KMT2C: variants seen among roughly 807,000 people sequenced by gnomAD.
KMT2C encodes the protein histone-lysine N-methyltransferase 2C.
KMT2C carries 88 observed loss-of-function variants against 507.9 expected under a neutral mutation model. The ratio of observed to expected loss-of-function variants is 0.17; its 90% CI spans 0.15 to 0.21. KMT2C has a LOEUF of 0.21. KMT2C is among the 10% of genes least tolerant of loss of function. The pLI is 1.00. For synonymous variants in KMT2C, 2,049 were observed against 2,080.8 expected (o/e 0.98, Z 0.42); for missense variants, 4,954 against 5,957.8 (o/e 0.83, Z 5.55).
In KMT2C at chr7:152,172,640, G is replaced by A. The variant is rs1458990054; in HGVS notation, c.9375-1298C>T. ...GAACCTTGGAGGTGAAGGCTGCAGT[G>A]AGCCATTGCACTCTATCCTGGGCAA... On this transcript the variant is annotated intron_variant, in intron 39 of 58. Transcript: ENST00000262189. 5.9e-5 allele frequency among the ~76,000 whole-genome samples: 9 copies of A among 152,170 alleles called. No individual in the cohort carries two copies. In the East Asian group the frequency reaches 9.6e-4, roughly 16 times the overall value.
In KMT2C at chr7:152,252,592, G is replaced by GATA. The variant is rs758128657; in HGVS notation, c.1420_1422dup (p.Tyr474dup). On this transcript the variant is annotated inframe_insertion, in exon 10 of 59. Transcript: ENST00000262189. ...AGCATGTCTTTCTGCAATTCTGGAT[G>GATA]ATAACACTTCCCACAGAAGGGACAT... The GATA allele has an allele frequency of 6.2e-7, 1 of 1,613,202 alleles. No homozygotes were observed. The highest frequency in any genetic ancestry group is 2.2e-5 in the East Asian group (1 of 44,848).
intron 6 of KMT2C, among the ~76,000 whole-genome samples, chr7:152,298,439 GAAC>G (rs1216492214): frequency 2.6e-5 from 4 of 152,060 alleles, no homozygotes; most frequent in African/African-American, 7.2e-5. Flanking sequence ...ACAAAGATAA[GAAC>G]AACATCAGAT....
intron 1 of KMT2C, among the ~76,000 whole-genome samples, chr7:152,395,938 C>T (rs1027878346): frequency 2.0e-5 from 3 of 152,326 alleles, no homozygotes; most frequent in African/African-American, 7.2e-5. Context: ...AAAGTGCTTC[C>T]TCTTGTGCTG....
In KMT2C at chr7:152,149,244, G is replaced by A. The variant is rs1362136584; in HGVS notation, c.12775-92C>T. The stretch of plus-strand genomic sequence containing the variant: ...AGACAAGAAGCTGAGCAGTATGACT[G>A]AAGAGGATGGGTGACCTGAGGGGCA... On this transcript the variant is annotated intron_variant, in intron 51 of 58. Transcript: ENST00000262189. 2.4e-6 allele frequency: 3 copies of A among 1,246,156 alleles called. No homozygotes were observed. In the East Asian group the frequency reaches 7.9e-5, roughly 33 times the overall value. The allele number at this position is 1,246,156 out of a possible 1,614,324, so 77.2% of individuals were successfully genotyped here. A position where few individuals can be genotyped will look rare whatever the true frequency, so the allele number is the denominator to read the frequency against.
chr7:152,146,677 G>A lies in KMT2C; in HGVS notation c.13953C>T (p.Leu4651=), dbSNP rs1186901207. The A allele has an allele frequency of 1.2e-6, 2 of 1,613,916 alleles. No homozygotes were observed. Among genetic ancestry groups the A allele is most frequent in the Non-Finnish European group, 1.7e-6 (2 of 1,179,842 alleles). Reference sequence around the variant, plus strand: ...CTTTTAAATACGCTGGGAAAAGCTGGAGCATTTCAGACTTTTTTCTCACAC... The same window carrying A: ...CTTTTAAATACGCTGGGAAAAGCTGAAGCATTTCAGACTTTTTTCTCACAC... ...VACVRKKSEM[L]QLFPAYLKGE... Residue 4651 remains leucine, a synonymous_variant, in exon 53 of 59, where the codon CTC becomes CTT. Transcript: ENST00000262189.
intron 1 of KMT2C, among the ~76,000 whole-genome samples, chr7:152,385,385 G>A (rs1333899730): frequency 7.3e-6 from 1 of 137,318 alleles, no homozygotes; most frequent in Admixed American, 6.9e-5. Context: ...GGCCGAGGCG[G>A]GCGGATCACG....
chr7:152,153,098 C>A, intron 48 of KMT2C, 144 bp from the exon 49 acceptor site: 3 of 1,094,146 alleles, frequency 2.7e-6, no homozygotes, highest in South Asian at 1.8e-5. Context: ...ACTTAAAGAA[C>A]CTCAGGAAAA....
intron 48 of KMT2C, 133 bp from the exon 49 acceptor site, chr7:152,153,087 G>T: frequency 8.4e-7 from 1 of 1,188,578 alleles, no homozygotes; most frequent in Non-Finnish European, 1.2e-6. Flanking sequence ...ATTTTATTTA[G>T]ACTTAAAGAA....
At chr7:152,172,224 T>C (rs932452864) in intron 39 of KMT2C, among the ~76,000 whole-genome samples, 3 of 152,210 alleles carry the variant, frequency 2.0e-5, no homozygotes, top group African/African-American at 4.8e-5. Context: ...TGGTCTATCA[T>C]CCTAACTCAA....
At chr7:152,419,386 T>C (rs2097765585) in intron 1 of KMT2C, among the ~76,000 whole-genome samples, 1 of 151,994 alleles carries the variant, frequency 6.6e-6, no homozygotes, top group Non-Finnish European at 1.5e-5. Context: ...ACATTTACAT[T>C]TATAACAACA....
At chr7:152,278,197 C>G (rs1282423909) in intron 6 of KMT2C, among the ~76,000 whole-genome samples, 1 of 152,142 alleles carries the variant, frequency 6.6e-6, no homozygotes, top group Admixed American at 6.5e-5. Flanking sequence ...GCATCTCCAC[C>G]CCTCTCCTTT....
At chr7:152,425,470 C>T (rs1447263607) in intron 1 of KMT2C, among the ~76,000 whole-genome samples, 2 of 151,982 alleles carry the variant, frequency 1.3e-5, no homozygotes, top group South Asian at 2.1e-4. Flanking sequence ...TCAGCTACTC[C>T]GGGGTCTGAG....
intron 2 of KMT2C, among the ~76,000 whole-genome samples, chr7:152,355,015 G>A (rs1482202158): frequency 1.3e-5 from 2 of 152,224 alleles, no homozygotes; most frequent in Non-Finnish European, 2.9e-5. Context: ...TATTGCAGCA[G>A]TCCAGTGGAA....
At chr7:152,314,453 A>G (rs2096704410) in intron 4 of KMT2C, among the ~76,000 whole-genome samples, 1 of 152,114 alleles carries the variant, frequency 6.6e-6, no homozygotes, top group Non-Finnish European at 1.5e-5. Flanking sequence ...TGTACAAAAT[A>G]TTTTAAACTA....
intron 14 of KMT2C, among the ~76,000 whole-genome samples, chr7:152,247,546 T>C (rs559687663): frequency 1.4e-4 from 21 of 152,400 alleles, no homozygotes; most frequent in African/African-American, 3.8e-4. Context: ...AAGGAAATAA[T>C]AGATGTTAGT....
chr7:152,253,011 C>G (rs2095585573), intron 9 of KMT2C, among the ~76,000 whole-genome samples: 1 of 152,058 alleles, frequency 6.6e-6, no homozygotes, highest in Non-Finnish European at 1.5e-5. Context: ...TGTGCCACCA[C>G]ACCCAGCTAA....
chr7:152,435,604 G>T lies in KMT2C; in HGVS notation c.161+22C>A, dbSNP rs1052507895. On this transcript the variant is annotated intron_variant, in intron 1 of 58. Transcript: ENST00000262189. ...CGGCGCCGCCGCTGGCTCCCGGCCT[G>T]GCTCCCTCGCACTCAACTTACTTCT... 8.4e-6 allele frequency: 12 copies of T among 1,422,746 alleles called. No homozygotes were observed. In the East Asian group the frequency reaches 3.2e-4, roughly 38 times the overall value. 88.1% of individuals were successfully genotyped at this position (1,422,746 alleles called of 1,614,324 possible).
chr7:152,150,892 A>C lies in KMT2C; in HGVS notation c.12774+8T>G. 6.4e-7 allele frequency: 1 copy of C among 1,568,292 alleles called. No individual in the cohort carries two copies. Among genetic ancestry groups the C allele is most frequent in the Non-Finnish European group, 8.8e-7 (1 of 1,138,806 alleles). On this transcript the variant is annotated splice_region_variant and intron_variant, in intron 51 of 58. Transcript: ENST00000262189. The stretch of plus-strand genomic sequence containing the variant: ...CATTGTTATCAGCTGAGATTATCCT[A>C]ATCTCACCTTGTTTTCTGAGTTTTT...
At chr7:152,333,452 T>C (rs1157511379) in intron 2 of KMT2C, among the ~76,000 whole-genome samples, 2 of 152,204 alleles carry the variant, frequency 1.3e-5, no homozygotes, top group Admixed American at 6.5e-5. Context: ...GAAGAACTTA[T>C]TATCCACATT....
Sources: gnomAD v4.1 joint callset for allele counts (sites outside exome capture counted in the v4.1 genomes callset) on GRCh38, gnomAD v4.1.1 for gene constraint, MANE v1.5 for transcripts, NCBI Gene and HGNC (gene_info 2026-07-23, HGNC 2026-07-21) for gene names.